Variants in PCLO observed in about 807,000 individuals in gnomAD.
PCLO encodes the protein piccolo presynaptic cytomatrix protein, also known as protein piccolo.
Under a neutral mutation model 427.5 loss-of-function variants are expected in PCLO, and 82 were observed. The observed-to-expected ratio is 0.19, with a 90% CI of 0.16 to 0.23. PCLO has a LOEUF of 0.23. Ranked by LOEUF, PCLO falls within the 10% of genes least tolerant of loss-of-function variation. The pLI is 1.00. For missense variants in PCLO, 6,239 were observed against 6,115.9 expected, an observed-to-expected ratio of 1.02 and a Z score of -0.67; for synonymous variants, 2,357 against 2,155.4, an observed-to-expected ratio of 1.09 and a Z score of -2.59.
At position 82,954,632 on chromosome 7, in the gene PCLO, T is replaced by C. The variant is rs757237928; in HGVS notation, c.6321A>G (p.Thr2107=). 3 of 1,613,850 alleles carry C rather than the reference T, an allele frequency of 1.9e-6. No homozygotes were observed. The highest frequency in any genetic ancestry group is 1.3e-5 in the African/African-American group (1 of 74,920). ...GAGACGCTCCTGAGAGAACACTTGA[T>C]GTCAAAGAGGCATCTGGCATTCTGT... The part of the protein sequence containing the change: ...DFDRMPDASL[T]SSVLSGASLT... The change falls in exon 5 of 25, where the codon ACA becomes ACG. Residue 2107 remains threonine (T), a synonymous_variant. Coordinates refer to ENST00000333891, the MANE Select transcript of PCLO (RefSeq NM_033026.6).
chr7:82,964,377 A>G (rs1795718716), intron 4 of PCLO, among the ~76,000 whole-genome samples: 1 of 152,074 alleles, frequency 6.6e-6, no homozygotes, highest in Admixed American at 6.6e-5. Context: ...GTTTGCATTT[A>G]CAGAGAGGCT....
At chr7:82,860,168 A>G (rs926595246) in intron 10 of PCLO, among the ~76,000 whole-genome samples, 2 of 152,136 alleles carry the variant, frequency 1.3e-5, no homozygotes, top group Non-Finnish European at 2.9e-5. Flanking sequence ...TCAAAGGGAT[A>G]ATGACAGAGA....
At position 83,083,024 on chromosome 7, in the gene PCLO, C is replaced by A. The variant is rs545454811; in HGVS notation, c.3300+51226G>T. 2.6e-4 allele frequency among the ~76,000 whole-genome samples: 40 copies of A among 151,644 alleles called. No individual in the cohort carries two copies. In the East Asian group the frequency reaches 7.2e-3, roughly 27 times the overall value. ...TCTCATAAATCAGTGGGGACAAAAA[C>A]TTACTTAATAATGAACACTGATACA... is the stretch of plus-strand genomic sequence containing the variant. On this transcript the variant is annotated intron_variant, in intron 3 of 24. Transcript: ENST00000333891.
At chr7:82,891,244 T>A (rs543181088) in intron 9 of PCLO, among the ~76,000 whole-genome samples, 4 of 152,244 alleles carry the variant, frequency 2.6e-5, no homozygotes, top group Non-Finnish European at 4.4e-5. Flanking sequence ...TTGTCTTTTT[T>A]AAAAGCTGTT....
At chr7:82,778,150 C>A (rs114949083) in intron 22 of PCLO, among the ~76,000 whole-genome samples, 1 of 151,908 alleles carries the variant, frequency 6.6e-6, no homozygotes, top group African/African-American at 2.4e-5. Context: ...ATGCAGCCAA[C>A]GAGCATATGA....
chr7:83,000,836 AGT>A (rs1382399812), intron 3 of PCLO, among the ~76,000 whole-genome samples: 1 of 152,080 alleles, frequency 6.6e-6, no homozygotes, highest in Non-Finnish European at 1.5e-5. Context: ...TAAAATAAAA[AGT>A]GTTTTTATTC....
chr7:82,869,833 T>TA (rs1793186685), intron 10 of PCLO, among the ~76,000 whole-genome samples: 2 of 151,978 alleles, frequency 1.3e-5, no homozygotes, highest in Non-Finnish European at 2.9e-5. Flanking sequence ...AGAATAAATT[T>TA]AACTAAATAA....
At chr7:82,867,465 T>C (rs1225182047) in intron 10 of PCLO, among the ~76,000 whole-genome samples, 1 of 152,184 alleles carries the variant, frequency 6.6e-6, no homozygotes, top group Non-Finnish European at 1.5e-5. Flanking sequence ...TCTAAAAGCA[T>C]GGCTGTCTAC....
chr7:82,914,909 T>G lies in PCLO; in HGVS notation c.13077A>C (p.Glu4359Asp), dbSNP rs748273698. ...CAACAGGACTGAGTGGGCTTTCTTC[T>G]TCAGAATTCTGGGCCACAATTGGTA... ...GRIPIVAQNS[E>D]EESPLSPVGQ... The change falls in exon 7 of 25, where the codon GAA (glutamate) becomes GAC (aspartate). Residue 4359 changes from glutamate to aspartate, a missense_variant. Coordinates refer to ENST00000333891, the MANE Select transcript of PCLO (RefSeq NM_033026.6). The G allele has an allele frequency of 6.2e-7, 1 of 1,613,654 alleles. No individual in the cohort carries two copies.
At chr7:82,891,905 A>C (rs1177584323) in intron 9 of PCLO, among the ~76,000 whole-genome samples, 1 of 152,116 alleles carries the variant, frequency 6.6e-6, no homozygotes. Flanking sequence ...ACTACTGCTC[A>C]ATGAAATAAA....
intron 3 of PCLO, among the ~76,000 whole-genome samples, chr7:83,032,852 T>C (rs897283407): frequency 1.1e-4 from 16 of 152,116 alleles, no homozygotes; most frequent in African/African-American, 3.9e-4. Context: ...GACAATGAAG[T>C]ACAAGGTTGA....
intron 3 of PCLO, among the ~76,000 whole-genome samples, chr7:83,115,361 C>T (rs537128732): frequency 4.0e-5 from 6 of 151,886 alleles, no homozygotes; most frequent in African/African-American, 1.4e-4. Context: ...GCAAGGTAAA[C>T]TAAAACTGGG....
chr7:82,845,354 T>C lies in PCLO; in HGVS notation c.13963A>G (p.Thr4655Ala), dbSNP rs765497125. The C allele has an allele frequency of 3.7e-6, 6 of 1,613,348 alleles. No individual in the cohort carries two copies. The South Asian group carries it at 5.5e-5, about 15-fold the overall frequency. ...EKGSHVHSGP[T>A]SAGSSSVPSP... ...GGAACGGAACTGGATCCTGCTGATGTAGGACCTGAATGAACATGAGATCCT... is the reference window on the plus strand; with the variant it reads ...GGAACGGAACTGGATCCTGCTGATGCAGGACCTGAATGAACATGAGATCCT... The change falls in exon 13 of 25, where the codon ACA becomes GCA. Residue 4655 changes from threonine (T) to alanine (A), a missense_variant. By Grantham distance (58) the Thr-to-Ala change is moderately conservative. Transcript: ENST00000333891.
At chr7:83,121,562 C>G (rs543297102) in intron 3 of PCLO, among the ~76,000 whole-genome samples, 3 of 152,082 alleles carry the variant, frequency 2.0e-5, no homozygotes, top group African/African-American at 7.2e-5. Context: ...ACTGAACTCT[C>G]CAATCAAAGA....
rs200140697 is a variant in PCLO at position 82,952,761 on chromosome 7, C to A, written c.8192G>T (p.Arg2731Leu). ...LQLVGDVIDL[R>L]TVPKVEVKTT... is the part of the protein sequence containing the mutation. ...TTTAACTTCTACCTTTGGTACTGTA[C>A]GCAAATCAATTACATCACCAACAAG... Residue 2731 changes from arginine to leucine, a missense_variant, in exon 5 of 25, where the codon CGT (arginine) becomes CTT (leucine). By Grantham distance (102) the Arg-to-Leu change is moderately radical. Transcript: ENST00000333891. 1 of 1,613,304 alleles carries A rather than the reference C, an allele frequency of 6.2e-7. No homozygotes were observed. The highest frequency in any genetic ancestry group is 1.7e-5 in the Admixed American group (1 of 59,954).
At position 82,756,276 on chromosome 7, in the gene PCLO, T is replaced by A. The variant is rs62465929; in HGVS notation, c.*2299A>T. 1 of 152,028 alleles carries A rather than the reference T, an allele frequency of 6.6e-6. No homozygotes were observed. The highest frequency in any genetic ancestry group is 1.5e-5 in the Non-Finnish European group (1 of 67,988). 9.4% of individuals were successfully genotyped at this position (152,028 alleles called of 1,614,324 possible). On this transcript the variant is annotated 3_prime_UTR_variant, in exon 25 of 25. Transcript: ENST00000333891. ...CCTTGGACCTTTTCTTCCCCAATTA[T>A]GAGTGATGATTATAGGCTTCTTCAA...
At chr7:83,035,009 G>A (rs1475057995) in intron 3 of PCLO, among the ~76,000 whole-genome samples, 1 of 152,158 alleles carries the variant, frequency 6.6e-6, no homozygotes, top group African/African-American at 2.4e-5. Flanking sequence ...ATTTATGTGT[G>A]TATTTCTGTT....
At chr7:83,038,020 T>A (rs1460253957) in intron 3 of PCLO, among the ~76,000 whole-genome samples, 6 of 56,176 alleles carry the variant, frequency 1.1e-4, no homozygotes, top group Non-Finnish European at 1.4e-4. Flanking sequence ...TATATATATA[T>A]ATATATATAT....
intron 7 of PCLO, among the ~76,000 whole-genome samples, chr7:82,911,002 T>C (rs1425708426): frequency 6.6e-6 from 1 of 152,134 alleles, no homozygotes; most frequent in East Asian, 1.9e-4. Context: ...ATATCCTTTA[T>C]GATGTAGTAC....
Sources: allele counts gnomAD v4.1 joint callset (sites outside exome capture counted in the v4.1 genomes callset), GRCh38; gene constraint gnomAD v4.1.1; transcripts MANE v1.5; gene names NCBI Gene and HGNC (gene_info 2026-07-23, HGNC 2026-07-21).